Variants in TIMM17A observed in about 807,000 individuals in gnomAD.
TIMM17A encodes the protein translocase of inner mitochondrial membrane 17A.
A neutral mutation model predicts 26.5 loss-of-function variants in TIMM17A; 15 were observed. The ratio of observed to expected loss-of-function variants is 0.57; its 90% CI spans 0.38 to 0.87. The LOEUF (loss-of-function observed/expected upper bound fraction) is 0.87. Ranked by LOEUF, TIMM17A falls within the 40% of genes least tolerant of loss-of-function variation. The pLI is 0.00. For synonymous variants in TIMM17A, 80 were observed against 70.8 expected (o/e 1.13, Z -0.66); for missense variants, 201 against 210.0 (o/e 0.96, Z 0.27).
At position 201,955,566 on chromosome 1, in the gene TIMM17A, C is replaced by G. The variant is rs778273968; in HGVS notation, c.26+14C>G. ...GCGAGAGCCTTGGTGAGCTTCACCG[C>G]TGTCTTTGCATTTCTCTTGCCCCCC... is the stretch of plus-strand genomic sequence containing the variant. On this transcript the variant is annotated intron_variant, in intron 1 of 5. Coordinates refer to ENST00000367287, the MANE Select transcript of TIMM17A (RefSeq NM_006335.3). The G allele has an allele frequency of 1.9e-6, 3 of 1,614,134 alleles. No homozygotes were observed. Among genetic ancestry groups the G allele is most frequent in the South Asian group, 2.2e-5 (2 of 91,092 alleles).
chr1:201,957,325 G>A lies in TIMM17A; in HGVS notation c.71G>A (p.Gly24Asp). ...VDDCGGAFTM[G>D]TIGGGIFQAI... Reference sequence around the variant, plus strand: ...GACTGTGGTGGGGCCTTTACGATGGGTACCATTGGTGGTGGTATCTTTCAA... The same window carrying A: ...GACTGTGGTGGGGCCTTTACGATGGATACCATTGGTGGTGGTATCTTTCAA... The change falls in exon 2 of 6, where the codon GGT becomes GAT. Residue 24 changes from glycine (G) to aspartate (D), a missense_variant. Gly to Asp is a moderately conservative substitution (Grantham distance 94, BLOSUM62 -1). Coordinates refer to ENST00000367287, the MANE Select transcript of TIMM17A (RefSeq NM_006335.3). The A allele has an allele frequency of 1.2e-6, 2 of 1,613,952 alleles. No homozygotes were observed. Among genetic ancestry groups the A allele is most frequent in the Non-Finnish European group, 1.7e-6 (2 of 1,179,880 alleles).
At position 201,967,753 on chromosome 1, in the gene TIMM17A, C is replaced by G. The variant is rs114641411; in HGVS notation, c.431-1716C>G. 2.1e-3 allele frequency among the ~76,000 whole-genome samples: 321 copies of G among 151,922 alleles called. 1 individual carries two copies. Among genetic ancestry groups the G allele is most frequent in the African/African-American group, 7.4e-3 (308 of 41,420 alleles). On this transcript the variant is annotated intron_variant, in intron 5 of 5. Coordinates refer to ENST00000367287, the MANE Select transcript of TIMM17A (RefSeq NM_006335.3). ...AGATGAGGTCTCTGCCCAGGCTGAT[C>G]CTAAACTCCTGGGCTCAAGCGATCC... is the stretch of plus-strand genomic sequence containing the variant.
intron 4 of TIMM17A, among the ~76,000 whole-genome samples, chr1:201,963,990 A>T (rs1682579093): frequency 6.6e-6 from 1 of 152,050 alleles, no homozygotes; most frequent in East Asian, 1.9e-4. Flanking sequence ...GTGTTGGTGC[A>T]TGCCTATAGT....
chr1:201,968,133 A>T (rs1003717750), intron 5 of TIMM17A, among the ~76,000 whole-genome samples: 1 of 150,944 alleles, frequency 6.6e-6, no homozygotes, highest in Non-Finnish European at 1.5e-5. Flanking sequence ...AGTAGCTGGG[A>T]CTACAGGTGC....
intron 3 of TIMM17A, 26 bp downstream of exon 3, chr1:201,957,600 A>C (rs756005311): frequency 3.2e-6 from 5 of 1,580,392 alleles, no homozygotes; most frequent in African/African-American, 1.4e-5. Context: ...ATTTTAACTG[A>C]ACTATTTTTT....
chr1:201,958,723 A>G (rs900305676), intron 3 of TIMM17A, among the ~76,000 whole-genome samples: 3 of 152,202 alleles, frequency 2.0e-5, no homozygotes, highest in Non-Finnish European at 4.4e-5. Flanking sequence ...ACACAAGGGT[A>G]TAGTTAGATT....
intron 3 of TIMM17A, among the ~76,000 whole-genome samples, chr1:201,959,053 A>G (rs1385048872): frequency 6.6e-6 from 1 of 152,120 alleles, no homozygotes. Flanking sequence ...TTCACACCAA[A>G]CCCAGAACCT....
intron 1 of TIMM17A, 85 bp downstream of exon 1, chr1:201,955,637 GC>G: frequency 1.3e-6 from 2 of 1,587,886 alleles, no homozygotes; most frequent in Non-Finnish European, 1.7e-6. Flanking sequence ...CAAGGTGCAA[GC>G]CAGACTCAAC....
intron 3 of TIMM17A, among the ~76,000 whole-genome samples, chr1:201,958,387 T>C (rs888519942): frequency 6.6e-6 from 1 of 152,224 alleles, no homozygotes; most frequent in Non-Finnish European, 1.5e-5. Context: ...AAAAAATGTT[T>C]GTAGGTTATA....
intron 1 of TIMM17A, 47 bp from the exon 2 acceptor site, chr1:201,957,234 T>C (rs1298931477): frequency 3.2e-6 from 4 of 1,248,426 alleles, no homozygotes; most frequent in Non-Finnish European, 3.5e-6. Context: ...GAAGATTTTA[T>C]GGTTTGTGAA....
intron 5 of TIMM17A, among the ~76,000 whole-genome samples, chr1:201,969,195 T>C (rs553288427): frequency 6.6e-6 from 1 of 152,342 alleles, no homozygotes; most frequent in African/African-American, 2.4e-5. Flanking sequence ...AGTTTGCTTC[T>C]TGCTATAATT....
In TIMM17A at chr1:201,963,654, G is replaced by A. The variant is rs1026509009; in HGVS notation, c.229G>A (p.Asp77Asn). ...AVWGGLFSMI[D>N]CSMVQVRGKE... is the part of the protein sequence containing the mutation. ...TTGGGGAGGGCTGTTTTCCATGATT[G>A]ACTGTAGTATGGTTCAAGTCAGAGG... is the stretch of plus-strand genomic sequence containing the variant. The change falls in exon 4 of 6, where the codon GAC becomes AAC. Residue 77 changes from aspartate (D) to asparagine (N), a missense_variant. Physicochemically the swap from Asp to Asn is conservative, Grantham distance 23. Transcript: ENST00000367287. The A allele has an allele frequency of 6.2e-7, 1 of 1,608,638 alleles. No homozygotes were observed. The highest frequency in any genetic ancestry group is 1.3e-5 in the African/African-American group (1 of 74,584).
At chr1:201,967,288 T>G (rs1391152863) in intron 5 of TIMM17A, among the ~76,000 whole-genome samples, 2 of 151,942 alleles carry the variant, frequency 1.3e-5, no homozygotes, top group Non-Finnish European at 2.9e-5. Flanking sequence ...CCTCTCACCT[T>G]CTGTTTGTTT....
chr1:201,964,147 T>C (rs779147779), intron 4 of TIMM17A, among the ~76,000 whole-genome samples: 4 of 152,062 alleles, frequency 2.6e-5, no homozygotes, highest in Non-Finnish European at 5.9e-5. Flanking sequence ...ATACAGTATA[T>C]GGTGATTTGA....
In TIMM17A at chr1:201,965,412, CT is replaced by C. The variant is rs1430839952; in HGVS notation, c.320-18del. On this transcript the variant is annotated intron_variant, in intron 4 of 5. Coordinates refer to ENST00000367287, the MANE Select transcript of TIMM17A (RefSeq NM_006335.3). Reference sequence around the variant, plus strand: ...ACTAGATTTCTGTAAAAAATAATCTCTTTGTTATTAATGTCTTCAGATGGAC... The same window carrying C: ...ACTAGATTTCTGTAAAAAATAATCTCTTGTTATTAATGTCTTCAGATGGAC... 6.6e-7 allele frequency: 1 copy of C among 1,513,436 alleles called. No individual in the cohort carries two copies. Among genetic ancestry groups the C allele is most frequent in the Non-Finnish European group, 9.2e-7 (1 of 1,088,210 alleles). The allele number at this position is 1,513,436 out of a possible 1,614,324, so 93.8% of individuals were successfully genotyped here.
chr1:201,960,606 A>G lies in TIMM17A; in HGVS notation c.191-3010A>G, dbSNP rs572035558. Among the ~76,000 whole-genome samples, 13 of 152,290 alleles carry G rather than the reference A, an allele frequency of 8.5e-5. No individual in the cohort carries two copies. The East Asian group carries it at 1.2e-3, about 14-fold the overall frequency. On this transcript the variant is annotated intron_variant, in intron 3 of 5. Transcript: ENST00000367287. ...AGAGGTTAGCCTTTTTTAGGAAGCTATTGAGAAGTTTTTATGGTATTTTAA... is the reference window on the plus strand; with the variant it reads ...AGAGGTTAGCCTTTTTTAGGAAGCTGTTGAGAAGTTTTTATGGTATTTTAA...
intron 5 of TIMM17A, among the ~76,000 whole-genome samples, chr1:201,967,015 G>GTGTGTGTGTATATA (rs59893489): frequency 7.6e-5 from 9 of 118,836 alleles, no homozygotes; most frequent in African/African-American, 9.5e-5. Context: ...GTGTGTGTGT[G>GTGTGTGTGTATATA]TATATATATA....
intron 3 of TIMM17A, among the ~76,000 whole-genome samples, chr1:201,960,520 G>T (rs967898500): frequency 6.6e-6 from 1 of 152,190 alleles, no homozygotes; most frequent in African/African-American, 2.4e-5. Flanking sequence ...ACAAAGCACG[G>T]TGAAATAGAG....
At chr1:201,965,371 C>T in intron 4 of TIMM17A, 62 bp from the exon 5 acceptor site, 1 of 1,176,602 alleles carries the variant, frequency 8.5e-7, no homozygotes, top group Non-Finnish European at 1.3e-6. Flanking sequence ...CTCTTCTTTA[C>T]TATCTCTTAC....
Sources: gnomAD v4.1 joint callset for allele counts (sites outside exome capture counted in the v4.1 genomes callset) on GRCh38, gnomAD v4.1.1 for gene constraint, MANE v1.5 for transcripts, NCBI Gene and HGNC (gene_info 2026-07-23, HGNC 2026-07-21) for gene names.